PLXNA2: variants seen among roughly 807,000 people sequenced by gnomAD.
PLXNA2 encodes plexin-A2.
PLXNA2 carries 91 observed loss-of-function variants against 193.5 expected under a neutral mutation model. That is an observed-to-expected ratio of 0.47 (90% CI 0.40 to 0.56). PLXNA2 has a LOEUF of 0.56. PLXNA2 is among the 20% of genes least tolerant of loss of function. PLXNA2 has a pLI of 0.00. For synonymous variants in PLXNA2, 997 were observed against 1,027.3 expected (o/e 0.97, Z 0.56); for missense variants, 1,995 against 2,503.2 (o/e 0.80, Z 4.33).
intron 4 of PLXNA2, among the ~76,000 whole-genome samples, chr1:208,106,717 T>C (rs1200441488): frequency 6.6e-6 from 1 of 152,274 alleles, no homozygotes; most frequent in Non-Finnish European, 1.5e-5. Context: ...AAATGTATTA[T>C]TAATTTCACC....
chr1:208,209,685 C>T (rs958633805), intron 3 of PLXNA2, among the ~76,000 whole-genome samples: 2 of 152,160 alleles, frequency 1.3e-5, no homozygotes, highest in African/African-American at 4.8e-5. Flanking sequence ...TGTCTACTTC[C>T]ACCTGGCAGC....
intron 3 of PLXNA2, among the ~76,000 whole-genome samples, chr1:208,185,727 A>G (rs1236170371): frequency 7.0e-6 from 1 of 142,340 alleles, no homozygotes; most frequent in Non-Finnish European, 1.6e-5. Flanking sequence ...AAGGAAAAAA[A>G]AAAAGAAACT....
chr1:208,086,979 C>CTCTCTCTCTG (rs1491364667), intron 9 of PLXNA2, among the ~76,000 whole-genome samples: 43 of 65,486 alleles, frequency 6.6e-4, no homozygotes, highest in East Asian at 2.4e-3. Flanking sequence ...CTCTCTCTCT[C>CTCTCTCTCTG]TGTGTGTGTG....
At position 208,060,589 on chromosome 1, in the gene PLXNA2, G is replaced by T. The variant is rs1571872961; in HGVS notation, c.2738+97C>A. On this transcript the variant is annotated intron_variant, in intron 13 of 31. Transcript: ENST00000367033. ...TCCATGGGAGGAGAATGTAATGGGAGATCAATCATGGAAAAGGCCCAGGAA... is the reference window on the plus strand; with the variant it reads ...TCCATGGGAGGAGAATGTAATGGGATATCAATCATGGAAAAGGCCCAGGAA... 1.3e-5 allele frequency: 16 copies of T among 1,256,618 alleles called. No homozygotes were observed. The Admixed American group carries it at 3.4e-4, about 26-fold the overall frequency. The allele number at this position is 1,256,618 out of a possible 1,614,324, so 77.8% of individuals were successfully genotyped here.
At chr1:208,175,288 C>A (rs1383848835) in intron 3 of PLXNA2, among the ~76,000 whole-genome samples, 1 of 152,202 alleles carries the variant, frequency 6.6e-6, no homozygotes, top group East Asian at 1.9e-4. Context: ...AGTCTTCCTA[C>A]ATTCCAACTG....
intron 13 of PLXNA2, among the ~76,000 whole-genome samples, chr1:208,055,336 A>G (rs1156279830): frequency 6.6e-6 from 1 of 152,158 alleles, no homozygotes; most frequent in Non-Finnish European, 1.5e-5. Context: ...GGCGCCTGAG[A>G]ACAGTTACAC....
chr1:208,155,993 G>A (rs1443592582), intron 3 of PLXNA2, among the ~76,000 whole-genome samples: 1 of 152,230 alleles, frequency 6.6e-6, no homozygotes, highest in African/African-American at 2.4e-5. Context: ...GAGTACCTGA[G>A]GCTTAAGGAA....
At chr1:208,231,544 C>T (rs1671693167) in intron 1 of PLXNA2, among the ~76,000 whole-genome samples, 1 of 152,230 alleles carries the variant, frequency 6.6e-6, no homozygotes, top group African/African-American at 2.4e-5. Context: ...CTCCCAGATG[C>T]ATTCCATGCC....
chr1:208,156,548 C>A (rs1668946641), intron 3 of PLXNA2, among the ~76,000 whole-genome samples: 1 of 152,118 alleles, frequency 6.6e-6, no homozygotes. Flanking sequence ...ACACAGCCAG[C>A]CAGTAGTAGA....
At chr1:208,102,243 A>AGGACCCT (rs1667120449) in intron 5 of PLXNA2, among the ~76,000 whole-genome samples, 1 of 152,204 alleles carries the variant, frequency 6.6e-6, no homozygotes, top group Non-Finnish European at 1.5e-5. Flanking sequence ...GCTATTGTGC[A>AGGACCCT]GGACCCTGAA....
chr1:208,031,476 C>T, intron 29 of PLXNA2, 114 bp downstream of exon 29: 1 of 1,420,260 alleles, frequency 7.0e-7, no homozygotes, highest in Middle Eastern at 1.8e-4. Context: ...TTTGGATCAC[C>T]CAGCCCCAGC....
chr1:208,064,478 T>TATCGGTGGTTCCTTTCTACATC (rs1188574831), intron 12 of PLXNA2, among the ~76,000 whole-genome samples: 1 of 152,232 alleles, frequency 6.6e-6, no homozygotes, highest in Non-Finnish European at 1.5e-5. Flanking sequence ...TGCCCTGCCC[T>TATCGGTGGTTCCTTTCTACATC]ATCGGTGGTT....
intron 9 of PLXNA2, among the ~76,000 whole-genome samples, chr1:208,092,356 T>C (rs1666744190): frequency 2.0e-5 from 3 of 152,160 alleles, no homozygotes; most frequent in African/African-American, 7.2e-5. Flanking sequence ...AATTTTAGAG[T>C]TGGAAGAGAA....
chr1:208,225,410 C>T (rs1671478505), intron 1 of PLXNA2, among the ~76,000 whole-genome samples: 1 of 152,174 alleles, frequency 6.6e-6, no homozygotes, highest in Admixed American at 6.5e-5. Flanking sequence ...TCAAACCATC[C>T]TCCCACATCA....
Position 208,096,895 on chromosome 1 carries a change from G to A in PLXNA2, c.1732-12C>T, listed in dbSNP as rs888352363. 1.2e-6 allele frequency: 2 copies of A among 1,610,370 alleles called. No homozygotes were observed. Among genetic ancestry groups the A allele is most frequent in the Non-Finnish European group, 1.7e-6 (2 of 1,178,822 alleles). On this transcript the variant is annotated splice_polypyrimidine_tract_variant and intron_variant, in intron 6 of 31. Transcript: ENST00000367033. ...ACTACCAGGCTAAGCTGTGGGAGGA[G>A]CAAAGAGATGATGCCAAAGAAATGC...
chr1:208,139,214 G>T (rs1482982658), intron 4 of PLXNA2, among the ~76,000 whole-genome samples: 1 of 152,190 alleles, frequency 6.6e-6, no homozygotes. Context: ...AGAGACTTTA[G>T]AGTTAGATTT....
chr1:208,031,418 G>T, intron 29 of PLXNA2, 172 bp downstream of exon 29: 1 of 1,319,812 alleles, frequency 7.6e-7, no homozygotes, highest in Non-Finnish European at 1.0e-6. Flanking sequence ...GGCAGCTGGG[G>T]ACCGTGTGGG....
chr1:208,099,515 C>T (rs1397393519), intron 5 of PLXNA2, among the ~76,000 whole-genome samples: 1 of 152,146 alleles, frequency 6.6e-6, no homozygotes, highest in Non-Finnish European at 1.5e-5. Context: ...GTGAATCAGC[C>T]TTATGTTCCC....
In PLXNA2 at chr1:208,185,352, CCT is replaced by C. The variant is rs542955515; in HGVS notation, c.1371+24926_1371+24927del. On this transcript the variant is annotated intron_variant, in intron 3 of 31. Coordinates refer to ENST00000367033, the MANE Select transcript of PLXNA2 (RefSeq NM_025179.4). ...CTGGTGCCCTGCTCTTCTCTAGAGG[CCT>C]CTCCTCGCTGCAGAGCTCATTGGCA... 6.3e-4 allele frequency among the ~76,000 whole-genome samples: 96 copies of C among 152,296 alleles called. 1 individual carries two copies. Among genetic ancestry groups the C allele is most frequent in the African/African-American group, 2.3e-3 (94 of 41,558 alleles).
Sources: gnomAD v4.1 joint callset for allele counts (sites outside exome capture counted in the v4.1 genomes callset) on GRCh38, gnomAD v4.1.1 for gene constraint, MANE v1.5 for transcripts, NCBI Gene and HGNC (gene_info 2026-07-23, HGNC 2026-07-21) for gene names.